The following ARHGAP44 variants were observed in gnomAD, a reference collection of about 807,000 sequenced individuals.
The protein encoded by ARHGAP44 is Rho GTPase activating protein 44.
ARHGAP44 carries 43 observed loss-of-function variants against 106.8 expected under a neutral mutation model. The ratio of observed to expected loss-of-function variants is 0.40; its 90% confidence interval spans 0.32 to 0.52. The LOEUF is 0.52. ARHGAP44 is among the 20% of genes least tolerant of loss of function. The pLI is 0.48. For synonymous variants in ARHGAP44, 439 were observed against 410.3 expected (o/e 1.07, Z -0.85); for missense variants, 866 against 1,050.5 (o/e 0.82, Z 2.43).
At chr17:12,962,343 G>GACC (rs1555564185) in intron 16 of ARHGAP44, among the ~76,000 whole-genome samples, 1 of 152,102 alleles carries the variant, frequency 6.6e-6, no homozygotes, top group Non-Finnish European at 1.5e-5. Context: ...AGGGCTTGGT[G>GACC]ACCAGTTCAG....
At chr17:12,974,341 C>G in intron 18 of ARHGAP44, 31 bp downstream of exon 18, 1 of 1,383,088 alleles carries the variant, frequency 7.2e-7, no homozygotes, top group Non-Finnish European at 9.3e-7. Context: ...TCCGGGCGGG[C>G]TGGTGTGCGG....
chr17:12,867,048 A>G lies in ARHGAP44; in HGVS notation c.54-27892A>G, dbSNP rs2011904. Among the ~76,000 whole-genome samples, 628 of 151,958 alleles carry G rather than the reference A, an allele frequency of 4.1e-3. 7 individuals are homozygous for G. Among genetic ancestry groups the G allele is most frequent in the African/African-American group, 0.014 (593 of 41,434 alleles). Reference sequence around the variant, plus strand: ...ATAGGGTAGCATATTCTGATCTTCTATAACAGTGTGGTTTGGAGATTGATT... The same window carrying G: ...ATAGGGTAGCATATTCTGATCTTCTGTAACAGTGTGGTTTGGAGATTGATT... On this transcript the variant is annotated intron_variant, in intron 1 of 20. Transcript: ENST00000379672.
At chr17:12,839,162 A>G (rs1597916189) in intron 1 of ARHGAP44, among the ~76,000 whole-genome samples, 1 of 152,312 alleles carries the variant, frequency 6.6e-6, no homozygotes, top group Admixed American at 6.5e-5. Flanking sequence ...ACTGGCACAC[A>G]AGTGAAAGGA....
intron 16 of ARHGAP44, 39 bp from the exon 17 acceptor site, chr17:12,973,263 T>G: frequency 6.3e-7 from 1 of 1,594,898 alleles, no homozygotes; most frequent in Non-Finnish European, 8.5e-7. Context: ...AAGGCCTAGA[T>G]TTTTTGAAAC....
chr17:12,937,309 C>CT, intron 7 of ARHGAP44, among the ~76,000 whole-genome samples: 1 of 152,142 alleles, frequency 6.6e-6, no homozygotes, highest in Non-Finnish European at 1.5e-5. Flanking sequence ...AAAATGGCTA[C>CT]TTTTTTCCTC....
intron 1 of ARHGAP44, among the ~76,000 whole-genome samples, chr17:12,811,518 T>C (rs56340929): frequency 0.049 from 7,501 of 152,022 alleles, 255 homozygotes; most frequent in Middle Eastern, 0.099. Context: ...CAGGCAGGCA[T>C]ATTTGGTGTA....
At position 12,909,588 on chromosome 17, in the gene ARHGAP44, A is replaced by G. The variant is rs375744535; in HGVS notation, c.275+615A>G. Among the ~76,000 whole-genome samples, 291 of 152,338 alleles carry G rather than the reference A, an allele frequency of 1.9e-3. 1 individual carries two copies. Among genetic ancestry groups the G allele is most frequent in the African/African-American group, 6.6e-3 (276 of 41,580 alleles). ...TTAGTCAAAAGAAACTCAAGATTATACACAAATAAATAATTGCTGAACTTG... is the reference window on the plus strand; with the variant it reads ...TTAGTCAAAAGAAACTCAAGATTATGCACAAATAAATAATTGCTGAACTTG... On this transcript the variant is annotated intron_variant, in intron 4 of 20. Coordinates refer to ENST00000379672, the MANE Select transcript of ARHGAP44 (RefSeq NM_014859.6).
intron 12 of ARHGAP44, among the ~76,000 whole-genome samples, chr17:12,951,163 C>A (rs999044410): frequency 2.0e-5 from 3 of 152,104 alleles, no homozygotes; most frequent in African/African-American, 4.8e-5. Context: ...ATAATTACAA[C>A]GTTACCATTT....
At chr17:12,885,523 ATGTG>A (rs1434625483) in intron 1 of ARHGAP44, among the ~76,000 whole-genome samples, 2 of 136,760 alleles carry the variant, frequency 1.5e-5, no homozygotes, top group African/African-American at 5.0e-5. Context: ...CAAGAACTTG[ATGTG>A]TGTGTGAGTG....
chr17:12,866,272 A>AGGTAG (rs1382103460), intron 1 of ARHGAP44, among the ~76,000 whole-genome samples: 1 of 152,194 alleles, frequency 6.6e-6, no homozygotes, highest in Admixed American at 6.5e-5. Flanking sequence ...TACAACAGGG[A>AGGTAG]GGTAGCTGAT....
chr17:12,789,622 C>T lies in ARHGAP44; in HGVS notation c.-217C>T. 3.1e-6 allele frequency: 1 copy of T among 327,570 alleles called. No individual in the cohort carries two copies. Among genetic ancestry groups the T allele is most frequent in the East Asian group, 4.9e-5 (1 of 20,428 alleles). The allele number at this position is 327,570 out of a possible 1,614,324, so 20.3% of individuals were successfully genotyped here. On this transcript the variant is annotated 5_prime_UTR_variant, in exon 1 of 21. Coordinates refer to ENST00000379672, the MANE Select transcript of ARHGAP44 (RefSeq NM_014859.6). ...GCTCTGCCCCGGGCATTGCGCGGCG[C>T]GCGTGAGGGGGATGCGGCAGGAGGC...
intron 1 of ARHGAP44, among the ~76,000 whole-genome samples, chr17:12,869,572 A>G (rs2036344769): frequency 6.6e-6 from 1 of 152,130 alleles, no homozygotes; most frequent in South Asian, 2.1e-4. Context: ...GCCCATCTCC[A>G]CAACTCTTTC....
At chr17:12,951,539 A>G (rs531863247) in intron 12 of ARHGAP44, among the ~76,000 whole-genome samples, 1 of 152,332 alleles carries the variant, frequency 6.6e-6, no homozygotes, top group Non-Finnish European at 1.5e-5. Context: ...ACAGTTAGAT[A>G]AAGGCAGGAT....
intron 1 of ARHGAP44, among the ~76,000 whole-genome samples, chr17:12,859,865 C>A (rs931152334): frequency 2.6e-5 from 4 of 152,138 alleles, no homozygotes; most frequent in Admixed American, 6.5e-5. Context: ...GCAGTTAACA[C>A]CGAAAGGAGT....
At chr17:12,935,692 G>A (rs2215054) in intron 7 of ARHGAP44, among the ~76,000 whole-genome samples, 110,054 of 152,070 alleles carry the variant, frequency 0.72, 40,006 homozygotes, top group Admixed American at 0.77. Flanking sequence ...TTTTAAGTAG[G>A]AAAATAATGC....
intron 18 of ARHGAP44, among the ~76,000 whole-genome samples, chr17:12,977,233 A>G (rs952774360): frequency 1.3e-4 from 20 of 152,036 alleles, no homozygotes; most frequent in African/African-American, 4.3e-4. Flanking sequence ...TGTGTTTTAC[A>G]CCACTTTTTG....
At chr17:12,961,745 A>AC (rs1186315413) in intron 16 of ARHGAP44, among the ~76,000 whole-genome samples, 1 of 152,152 alleles carries the variant, frequency 6.6e-6, no homozygotes, top group African/African-American at 2.4e-5. Flanking sequence ...AAAAAAAAAA[A>AC]GTTAAATTCA....
At chr17:12,795,342 T>C (rs890610171) in intron 1 of ARHGAP44, among the ~76,000 whole-genome samples, 2 of 152,216 alleles carry the variant, frequency 1.3e-5, no homozygotes, top group African/African-American at 4.8e-5. Context: ...AGATCCTCAC[T>C]GTGTGGGTCT....
chr17:12,892,565 A>T (rs2037079718), intron 1 of ARHGAP44, among the ~76,000 whole-genome samples: 1 of 151,956 alleles, frequency 6.6e-6, no homozygotes, highest in African/African-American at 2.4e-5. Flanking sequence ...TGGCCAACTT[A>T]GTCTAATATA....
Sources: allele counts gnomAD v4.1 joint callset (sites outside exome capture counted in the v4.1 genomes callset), GRCh38; gene constraint gnomAD v4.1.1; transcripts MANE v1.5; gene names NCBI Gene and HGNC (gene_info 2026-07-23, HGNC 2026-07-21).